The following ZNF385B variants were observed in gnomAD, a reference collection of about 807,000 sequenced individuals.
ZNF385B encodes zinc finger protein 385B.
In ZNF385B, 23 loss-of-function variants were observed where a neutral mutation model predicts 39.2. That is an observed-to-expected ratio of 0.59 (90% CI 0.42 to 0.83). The LOEUF (loss-of-function observed/expected upper bound fraction) is 0.83. ZNF385B is among the 40% of genes least tolerant of loss of function. The pLI is 0.00. For missense variants in ZNF385B, 552 were observed against 598.9 expected (o/e 0.92, Z 0.82); for synonymous variants, 205 against 222.6 (o/e 0.92, Z 0.70).
intron 3 of ZNF385B, among the ~76,000 whole-genome samples, chr2:179,599,980 C>T (rs954186032): frequency 1.3e-5 from 2 of 152,100 alleles, no homozygotes; most frequent in African/African-American, 2.4e-5. Flanking sequence ...ACATGGATTG[C>T]GTTAACCATT....
At chr2:179,566,824 T>C (rs538485209) in intron 3 of ZNF385B, among the ~76,000 whole-genome samples, 217 of 152,268 alleles carry the variant, frequency 1.4e-3, no homozygotes, top group African/African-American at 5.0e-3. Context: ...TAATGACTTG[T>C]TGACAAATTT....
chr2:179,559,839 T>C (rs1041959977), intron 3 of ZNF385B, among the ~76,000 whole-genome samples: 1 of 152,130 alleles, frequency 6.6e-6, no homozygotes, highest in African/African-American at 2.4e-5. Flanking sequence ...ACTGTCCTCA[T>C]GCTGTACCTT....
chr2:179,674,764 G>T (rs774540308), intron 3 of ZNF385B, among the ~76,000 whole-genome samples: 1 of 152,176 alleles, frequency 6.6e-6, no homozygotes, highest in Non-Finnish European at 1.5e-5. Flanking sequence ...TCTGCTAGAT[G>T]GAGACACAGG....
rs2105510836 is a variant in ZNF385B, at chr2:179,442,144, T to C, written c.*1106A>G. The C allele has an allele frequency of 6.5e-6, 1 of 152,798 alleles. No individual in the cohort carries two copies. Among genetic ancestry groups the C allele is most frequent in the Non-Finnish European group, 1.5e-5 (1 of 68,040 alleles). 9.5% of individuals were successfully genotyped at this position (152,798 alleles called of 1,614,324 possible). On this transcript the variant is annotated 3_prime_UTR_variant, in exon 10 of 10. Transcript: ENST00000410066. ...ATCACAAACATTCCAGTCTTGTTGA[T>C]ATCGGCTTAGAAAGGGGGGCATGGG...
chr2:179,843,621 T>C (rs1351416), intron 1 of ZNF385B, among the ~76,000 whole-genome samples: 39,057 of 152,198 alleles, frequency 0.26, 5,266 homozygotes, highest in Non-Finnish European at 0.29. Context: ...AATGCTGCTA[T>C]TTCCTCAGAA....
chr2:179,524,737 A>G (rs1042980610), intron 4 of ZNF385B, among the ~76,000 whole-genome samples: 7 of 152,062 alleles, frequency 4.6e-5, no homozygotes, highest in Non-Finnish European at 8.8e-5. Context: ...ACTCTACTCA[A>G]TTGGAGGCTG....
intron 4 of ZNF385B, among the ~76,000 whole-genome samples, chr2:179,538,042 T>C (rs2059695647): frequency 1.3e-5 from 2 of 152,108 alleles, no homozygotes; most frequent in Non-Finnish European, 2.9e-5. Context: ...TAGAACAAGA[T>C]AATCCTTCAA....
chr2:179,694,992 G>A (rs963586728), intron 3 of ZNF385B, among the ~76,000 whole-genome samples: 1 of 151,714 alleles, frequency 6.6e-6, no homozygotes. Context: ...AGGAGGAGAA[G>A]AAAAAGAAGA....
chr2:179,816,155 A>T (rs1006838440), intron 1 of ZNF385B, among the ~76,000 whole-genome samples: 4 of 152,144 alleles, frequency 2.6e-5, no homozygotes, highest in Non-Finnish European at 1.5e-5. Flanking sequence ...CATTTAACTA[A>T]ACGGAAACTT....
intron 3 of ZNF385B, among the ~76,000 whole-genome samples, chr2:179,697,722 T>C (rs917188075): frequency 1.3e-5 from 2 of 152,200 alleles, no homozygotes; most frequent in African/African-American, 4.8e-5. Context: ...TCCTTTTTTT[T>C]GGTAAATGGA....
intron 3 of ZNF385B, among the ~76,000 whole-genome samples, chr2:179,568,287 C>T (rs752465731): frequency 1.4e-4 from 21 of 152,138 alleles, no homozygotes; most frequent in Non-Finnish European, 2.5e-4. Flanking sequence ...TTACACTGCT[C>T]GGTTTATTTA....
intron 4 of ZNF385B, among the ~76,000 whole-genome samples, chr2:179,537,258 T>C (rs1574668862): frequency 1.4e-5 from 2 of 146,756 alleles, no homozygotes; most frequent in East Asian, 4.1e-4. Flanking sequence ...GCCAAGATTG[T>C]GCCATTGTAC....
intron 6 of ZNF385B, among the ~76,000 whole-genome samples, chr2:179,478,681 T>C (rs138333447): frequency 6.6e-6 from 1 of 152,336 alleles, no homozygotes; most frequent in Admixed American, 6.5e-5. Flanking sequence ...ACTAGAAATG[T>C]CATTTCCTCA....
At chr2:179,701,030 AC>A (rs996503544) in intron 3 of ZNF385B, among the ~76,000 whole-genome samples, 9 of 152,148 alleles carry the variant, frequency 5.9e-5, no homozygotes, top group African/African-American at 2.2e-4. Context: ...CAAAACAAAA[AC>A]AAAAACAAAA....
At chr2:179,635,190 A>G (rs9751216) in intron 3 of ZNF385B, among the ~76,000 whole-genome samples, 57,657 of 151,452 alleles carry the variant, frequency 0.38, 11,158 homozygotes, top group African/African-American at 0.46. Flanking sequence ...TACACCATGG[A>G]ATACTATGCA....
At chr2:179,836,517 T>TC (rs1321252026) in intron 1 of ZNF385B, among the ~76,000 whole-genome samples, 2 of 140,680 alleles carry the variant, frequency 1.4e-5, no homozygotes, top group African/African-American at 2.7e-5. Context: ...CGTTTTCTTT[T>TC]TTTTTTTTTT....
At chr2:179,841,484 C>A (rs1333327813) in intron 1 of ZNF385B, among the ~76,000 whole-genome samples, 1 of 152,168 alleles carries the variant, frequency 6.6e-6, no homozygotes, top group African/African-American at 2.4e-5. Flanking sequence ...CAAGACTTTA[C>A]AAATAAAATT....
chr2:179,795,206 T>C (rs961374631), intron 1 of ZNF385B, among the ~76,000 whole-genome samples: 2 of 151,744 alleles, frequency 1.3e-5, no homozygotes, highest in African/African-American at 4.8e-5. Context: ...GCCGAAGGGA[T>C]GTCAAATATA....
At chr2:179,855,121 C>T (rs1684485106) in intron 1 of ZNF385B, among the ~76,000 whole-genome samples, 1 of 152,044 alleles carries the variant, frequency 6.6e-6, no homozygotes, top group South Asian at 2.1e-4. Flanking sequence ...ATATGGTCCC[C>T]AGTTAATATT....
Sources: gnomAD v4.1 joint callset for allele counts (sites outside exome capture counted in the v4.1 genomes callset) on GRCh38, gnomAD v4.1.1 for gene constraint, MANE v1.5 for transcripts, NCBI Gene and HGNC (gene_info 2026-07-23, HGNC 2026-07-21) for gene names.